WDR64: variants seen among roughly 807,000 people sequenced by gnomAD.
WDR64 encodes WD repeat domain 64.
WDR64 carries 112 observed loss-of-function variants against 139.3 expected under a neutral mutation model. The observed-to-expected ratio is 0.80, with a 90% CI of 0.69 to 0.94. The LOEUF is 0.94. WDR64 is among the 40% of genes least tolerant of loss of function. The pLI, the probability that WDR64 is intolerant of heterozygous loss-of-function variation, is 0.00. For missense variants in WDR64, 1,206 were observed against 1,293.1 expected (o/e 0.93, Z 1.03); for synonymous variants, 444 against 437.7 (o/e 1.01, Z -0.18).
At position 241,728,688 on chromosome 1, in the gene WDR64, A is replaced by G. The variant is rs554792877; in HGVS notation, c.1194+5252A>G. On this transcript the variant is annotated intron_variant, in intron 10 of 27. Transcript: ENST00000437684. The stretch of plus-strand genomic sequence containing the variant: ...CCACATCTATTACACCTGAAGAAGA[A>G]CTGACGAATGTTGAAAAATGCAGAG... Among the ~76,000 whole-genome samples, 3 of 152,348 alleles carry G rather than the reference A, an allele frequency of 2.0e-5. No individual in the cohort carries two copies. In the South Asian group the frequency reaches 6.2e-4, roughly 32 times the overall value.
rs994830706 is a variant in WDR64, at chr1:241,698,098, G to C, written c.974+10503G>C. On this transcript the variant is annotated intron_variant, in intron 8 of 27. Transcript: ENST00000437684. ...TATCTTGAATTTGGGACTTCTTCTT[G>C]CTCAATATCTGCACTTGGATATCTC... Among the ~76,000 whole-genome samples the C allele has an allele frequency of 4.6e-5, 7 of 152,236 alleles. 1 individual carries two copies. The highest frequency in any genetic ancestry group is 1.7e-4 in the African/African-American group (7 of 41,548).
intron 11 of WDR64, among the ~76,000 whole-genome samples, chr1:241,740,869 A>G (rs1181432477): frequency 1.3e-5 from 2 of 152,146 alleles, no homozygotes; most frequent in Non-Finnish European, 2.9e-5. Context: ...CATTACACTA[A>G]AACAGAGCTG....
intron 6 of WDR64, among the ~76,000 whole-genome samples, chr1:241,679,917 T>A (rs1387045092): frequency 2.0e-5 from 3 of 152,188 alleles, no homozygotes; most frequent in Non-Finnish European, 4.4e-5. Flanking sequence ...TTCAAGTCTT[T>A]TCTCCCGAGT....
chr1:241,664,683 A>G (rs1225158919), intron 2 of WDR64, among the ~76,000 whole-genome samples: 1 of 151,944 alleles, frequency 6.6e-6, no homozygotes, highest in African/African-American at 2.4e-5. Flanking sequence ...ATCTTCCTTC[A>G]TTTGTAAAAT....
At chr1:241,704,158 C>T (rs1311340113) in intron 8 of WDR64, among the ~76,000 whole-genome samples, 1 of 152,174 alleles carries the variant, frequency 6.6e-6, no homozygotes. Flanking sequence ...GTGGTGTTTA[C>T]AGGTGGGGCT....
chr1:241,776,212 G>A (rs564452373), intron 21 of WDR64, among the ~76,000 whole-genome samples: 1 of 152,064 alleles, frequency 6.6e-6, no homozygotes, highest in Admixed American at 6.6e-5. Flanking sequence ...CCGAGTAGCT[G>A]GGACTACAGG....
intron 2 of WDR64, 72 bp downstream of exon 2, chr1:241,660,732 C>A: frequency 6.7e-7 from 1 of 1,500,356 alleles, no homozygotes. Flanking sequence ...ATAATTAAAA[C>A]AAAGTGTTAC....
rs540699411 is a variant in WDR64 at position 241,722,377 on chromosome 1, G to A, written c.1055-920G>A. ...GTAAGCTAGCAATATGTTTAAAAGTGATAAAAATGTATATAGCCTGTAACA... is the reference window on the plus strand; with the variant it reads ...GTAAGCTAGCAATATGTTTAAAAGTAATAAAAATGTATATAGCCTGTAACA... On this transcript the variant is annotated intron_variant, in intron 9 of 27. Transcript: ENST00000437684. Among the ~76,000 whole-genome samples the A allele has an allele frequency of 2.6e-5, 4 of 152,226 alleles. No homozygotes were observed. The East Asian group carries it at 5.8e-4, about 22-fold the overall frequency.
intron 14 of WDR64, among the ~76,000 whole-genome samples, chr1:241,752,594 G>C (rs867350428): frequency 1.3e-5 from 2 of 152,304 alleles, no homozygotes; most frequent in South Asian, 2.1e-4. Flanking sequence ...TCATGCCTGT[G>C]ATCTCAGCAC....
At chr1:241,776,200 T>TCC (rs1314745506) in intron 21 of WDR64, among the ~76,000 whole-genome samples, 2 of 152,064 alleles carry the variant, frequency 1.3e-5, no homozygotes, top group Non-Finnish European at 2.9e-5. Flanking sequence ...TGCCTCAGCC[T>TCC]CCCGAGTAGC....
At chr1:241,681,614 G>A (rs1179032591) in intron 6 of WDR64, among the ~76,000 whole-genome samples, 2 of 150,976 alleles carry the variant, frequency 1.3e-5, no homozygotes, top group Non-Finnish European at 2.9e-5. Context: ...TATATAAGGA[G>A]TTCTTTTCCT....
chr1:241,775,079 T>C (rs1006223965), intron 20 of WDR64, 26 bp from the exon 21 acceptor site: 10 of 1,526,366 alleles, frequency 6.6e-6, no homozygotes, highest in Non-Finnish European at 8.8e-6. Context: ...AAAGAAAAAG[T>C]TTTATTTGCA....
At chr1:241,676,068 A>C (rs1218205133) in intron 4 of WDR64, 1 of 152,212 alleles carries the variant, frequency 6.6e-6, no homozygotes, top group East Asian at 1.9e-4. Context: ...TTAAAATTTT[A>C]TCATAATTTT....
At position 241,773,001 on chromosome 1, in the gene WDR64, T is replaced by TA. The variant is rs1658520016; in HGVS notation, c.2430+71dup. ...ATAAAAAGAATCATTAAATGAATCT[T>TA]AGTGTTCTTCCATATGGCATCCAAT... On this transcript the variant is annotated intron_variant, in intron 20 of 27. Transcript: ENST00000437684. 2.4e-5 allele frequency: 35 copies of TA among 1,475,522 alleles called. No homozygotes were observed. In the South Asian group the frequency reaches 4.6e-4, roughly 20 times the overall value. 91.4% of individuals were successfully genotyped at this position (1,475,522 alleles called of 1,614,324 possible).
rs1350933885 is a variant in WDR64 at position 241,745,547 on chromosome 1, T to C, written c.1594+1031T>C. ...AGCAAGCCATATTTTACATTGTTAG[T>C]TCTAGAACCTAGAATTCTTTCAGAT... On this transcript the variant is annotated intron_variant, in intron 13 of 27. Transcript: ENST00000437684. Among the ~76,000 whole-genome samples the C allele has an allele frequency of 1.3e-5, 2 of 150,772 alleles. 1 individual carries two copies. Among genetic ancestry groups the C allele is most frequent in the African/African-American group, 5.0e-5 (2 of 40,058 alleles).
At chr1:241,668,934 G>A (rs1171808629) in intron 2 of WDR64, among the ~76,000 whole-genome samples, 1 of 151,546 alleles carries the variant, frequency 6.6e-6, no homozygotes, top group Non-Finnish European at 1.5e-5. Flanking sequence ...ACAGCCTACT[G>A]TTCTCATTAG....
intron 9 of WDR64, among the ~76,000 whole-genome samples, chr1:241,718,669 G>T (rs898927118): frequency 6.6e-6 from 1 of 152,104 alleles, no homozygotes; most frequent in African/African-American, 2.4e-5. Context: ...TAGCCAACTT[G>T]AGCTGCCTTA....
chr1:241,677,302 C>T (rs980558786), intron 4 of WDR64: 6 of 398,338 alleles, frequency 1.5e-5, no homozygotes, highest in Non-Finnish European at 2.7e-5. Context: ...CTGCTACTCA[C>T]CGGTTTTCTT....
chr1:241,764,370 T>C (rs73124399), intron 15 of WDR64, among the ~76,000 whole-genome samples: 5,452 of 152,152 alleles, frequency 0.036, 303 homozygotes, highest in African/African-American at 0.12. Context: ...GATATAAGGA[T>C]GACCAGGCTC....
Sources: gnomAD v4.1 joint callset for allele counts (sites outside exome capture counted in the v4.1 genomes callset) on GRCh38, gnomAD v4.1.1 for gene constraint, MANE v1.5 for transcripts, NCBI Gene and HGNC (gene_info 2026-07-23, HGNC 2026-07-21) for gene names.